SYDE2: variants seen among roughly 807,000 people sequenced by gnomAD.
SYDE2 encodes the protein synapse defective Rho GTPase homolog 2, also known as rho GTPase-activating protein SYDE2.
SYDE2 carries 76 observed loss-of-function variants against 91.5 expected under a neutral mutation model. The observed-to-expected ratio is 0.83, with a 90% CI of 0.69 to 1.01. SYDE2 has a LOEUF of 1.01. SYDE2 is among the 50% of genes least tolerant of loss of function. The pLI is 0.00. For missense variants in SYDE2, 1,364 were observed against 1,367.7 expected (o/e 1.00, Z 0.04); for synonymous variants, 513 against 506.4 (o/e 1.01, Z -0.18).
In SYDE2 at chr1:85,170,397, T is replaced by C. The variant is rs890777047; in HGVS notation, c.2672-1172A>G. On this transcript the variant is annotated intron_variant, in intron 4 of 6. Transcript: ENST00000341460. ...ATGAGACACTGTGCCTGGCCCCAAG[T>C]TTTAAATATTTAATAGTAACATGAT... Among the ~76,000 whole-genome samples the C allele has an allele frequency of 2.6e-5, 4 of 152,254 alleles. No individual in the cohort carries two copies. In the East Asian group the frequency reaches 7.7e-4, roughly 29 times the overall value.
intron 1 of SYDE2, chr1:85,194,935 C>T (rs953518735): frequency 7.6e-5 from 40 of 523,378 alleles, no homozygotes; most frequent in Middle Eastern, 9.5e-4. Context: ...CCAAGGCGGG[C>T]GGATCACGAG....
Position 85,182,450 on chromosome 1 carries a change from G to A in SYDE2, c.2192C>T (p.Thr731Ile). 6.2e-7 allele frequency: 1 copy of A among 1,613,588 alleles called. No individual in the cohort carries two copies. Among genetic ancestry groups the A allele is most frequent in the Non-Finnish European group, 8.5e-7 (1 of 1,179,716 alleles). ...TGCATTTTCAATTTCTATGTTGAAA[G>A]TGTGATCCATGTCTAAAAATGTTGT... ...CRTTFLDMDHTFNIEIENAQH... is the reference protein window; with the variant it reads ...CRTTFLDMDHIFNIEIENAQH... Residue 731 changes from threonine to isoleucine, a missense_variant, in exon 3 of 7, where the codon ACT (threonine) becomes ATT (isoleucine). Thr to Ile is a moderately conservative substitution (Grantham distance 89). Transcript: ENST00000341460.
intron 3 of SYDE2, among the ~76,000 whole-genome samples, 156 bp from the exon 4 acceptor site, chr1:85,178,428 T>A (rs918585665): frequency 6.6e-6 from 1 of 152,242 alleles, no homozygotes; most frequent in African/African-American, 2.4e-5. Context: ...ATATACTATG[T>A]TGATTAGTTT....
At position 85,158,882 on chromosome 1, in the gene SYDE2, A is replaced by T. The variant is rs1656960407; in HGVS notation, c.3453T>A (p.Tyr1151Ter). 4 of 780,506 alleles carry T rather than the reference A, an allele frequency of 5.1e-6. No homozygotes were observed. The highest frequency in any genetic ancestry group is 9.6e-6 in the Non-Finnish European group (4 of 417,896). 48.3% of individuals were successfully genotyped at this position (780,506 alleles called of 1,614,324 possible). ...PMSKECTFQT[Y>*]LTMQTVESTV... ...TAGACTCAACTGTCTGCATTGTCAA[A>T]TATGTCTGAAATGTACACTCTTTGG... Residue 1151 changes from tyrosine to a stop codon, truncating the protein, a stop_gained, in exon 7 of 7, where the codon TAT becomes TAA. Coordinates refer to ENST00000341460, the MANE Select transcript of SYDE2 (RefSeq NM_032184.2). LOFTEE classifies it high-confidence loss of function.
intron 3 of SYDE2, among the ~76,000 whole-genome samples, chr1:85,178,733 T>C (rs1472958943): frequency 1.3e-5 from 2 of 152,132 alleles, no homozygotes; most frequent in Non-Finnish European, 2.9e-5. Context: ...TTAAAATAAG[T>C]ATATAGTTGA....
At chr1:85,166,938 TG>T (rs1332729148) in intron 5 of SYDE2, among the ~76,000 whole-genome samples, 1 of 151,830 alleles carries the variant, frequency 6.6e-6, no homozygotes, top group African/African-American at 2.4e-5. Context: ...TGGCTGGGCG[TG>T]GTGGTTCATG....
At chr1:85,164,387 G>T in intron 6 of SYDE2, 139 bp downstream of exon 6, 1 of 542,008 alleles carries the variant, frequency 1.8e-6, no homozygotes. Context: ...AAAATCTAAA[G>T]GGCAGGTATC....
chr1:85,160,597 T>G (rs192772744), intron 6 of SYDE2: 1 of 985,394 alleles, frequency 1.0e-6, no homozygotes, highest in East Asian at 1.1e-4. Context: ...TTTTCCACTG[T>G]GTAATTATTC....
chr1:85,186,752 C>T (rs560631805), intron 2 of SYDE2, among the ~76,000 whole-genome samples: 1 of 151,822 alleles, frequency 6.6e-6, no homozygotes, highest in Non-Finnish European at 1.5e-5. Context: ...CTGAGAAAAA[C>T]AAGCAATGGG....
Position 85,200,867 on chromosome 1 carries a change from G to C in SYDE2, c.130C>G (p.Pro44Ala), listed in dbSNP as rs1658806393. 7.4e-7 allele frequency: 1 copy of C among 1,359,442 alleles called. No individual in the cohort carries two copies. Among genetic ancestry groups the C allele is most frequent in the Non-Finnish European group, 9.4e-7 (1 of 1,066,548 alleles). The allele number at this position is 1,359,442 out of a possible 1,614,324, so 84.2% of individuals were successfully genotyped here. Reference sequence around the variant, plus strand: ...CCGCCTCCCCGCTCCCCGTCCCGGGGGCAGGCTCGGCGGTACGCGGCGCCG... The same window carrying C: ...CCGCCTCCCCGCTCCCCGTCCCGGGCGCAGGCTCGGCGGTACGCGGCGCCG... ...SRGAAYRRACPRDGERGGGGR... is the reference protein window; with the variant it reads ...SRGAAYRRACARDGERGGGGR... Residue 44 changes from proline (P) to alanine (A), a missense_variant, in exon 1 of 7, where the codon CCC becomes GCC. Transcript: ENST00000341460.
chr1:85,175,924 G>A (rs1025969063), intron 4 of SYDE2, among the ~76,000 whole-genome samples: 7 of 152,098 alleles, frequency 4.6e-5, no homozygotes, highest in African/African-American at 1.2e-4. Context: ...ACAAAGAATT[G>A]AGCCAAGAAA....
At chr1:85,171,284 G>C (rs1657498541) in intron 4 of SYDE2, among the ~76,000 whole-genome samples, 1 of 152,070 alleles carries the variant, frequency 6.6e-6, no homozygotes, top group East Asian at 1.9e-4. Context: ...TTAAGAGAAG[G>C]CTCAGAAAAT....
At chr1:85,156,809 G>T (rs979950383), downstream of SYDE2, 4 of 151,978 alleles carry the variant, frequency 2.6e-5, no homozygotes, top group African/African-American at 9.7e-5. Context: ...TAACACCTTT[G>T]CTTAAAAAGA....
At chr1:85,178,944 C>T (rs1457322626) in intron 3 of SYDE2, among the ~76,000 whole-genome samples, 1 of 151,898 alleles carries the variant, frequency 6.6e-6, no homozygotes, top group Non-Finnish European at 1.5e-5. Flanking sequence ...CACTACCCAT[C>T]CCACCAACCT....
chr1:85,195,161 A>T (rs1220886877), intron 1 of SYDE2, among the ~76,000 whole-genome samples: 1 of 149,926 alleles, frequency 6.7e-6, no homozygotes, highest in African/African-American at 2.4e-5. Context: ...CTCCATCTAA[A>T]AAAAAAAAAA....
intron 2 of SYDE2, among the ~76,000 whole-genome samples, chr1:85,185,382 T>C (rs1312607456): frequency 6.6e-6 from 1 of 151,804 alleles, no homozygotes; most frequent in East Asian, 1.9e-4. Context: ...GGTTCACAAT[T>C]TGCCACAAAC....
intron 5 of SYDE2, among the ~76,000 whole-genome samples, chr1:85,166,363 T>C (rs1294595091): frequency 1.3e-5 from 2 of 151,926 alleles, no homozygotes; most frequent in Admixed American, 1.3e-4. Flanking sequence ...TTTTTTTTTT[T>C]TTGTAGAGAC....
intron 5 of SYDE2, among the ~76,000 whole-genome samples, chr1:85,165,597 A>AATAAAT (rs1553170396): frequency 5.3e-5 from 8 of 150,804 alleles, no homozygotes; most frequent in Non-Finnish European, 8.9e-5. Context: ...TAAATAAATA[A>AATAAAT]ATATATATAT....
chr1:85,164,530 C>A lies in SYDE2; in HGVS notation c.3081G>T (p.Trp1027Cys), dbSNP rs546765148. ...CATTTCCATAGAATCATTTACCTGG[C>A]CAGAGTTGGAGTAAGTAATGAAGAA... ...IEVLHYLLQL[W>C]PVQRLTVKKS... is the part of the protein sequence containing the mutation. The change falls in exon 6 of 7, where the codon TGG (tryptophan) becomes TGT (cysteine). Residue 1027 changes from tryptophan (W) to cysteine (C), a missense_variant. Coordinates refer to ENST00000341460, the MANE Select transcript of SYDE2 (RefSeq NM_032184.2). 1.9e-6 allele frequency: 3 copies of A among 1,578,716 alleles called. No individual in the cohort carries two copies. Among genetic ancestry groups the A allele is most frequent in the East Asian group, 2.3e-5 (1 of 43,928 alleles).
Sources: gnomAD v4.1 joint callset for allele counts (sites outside exome capture counted in the v4.1 genomes callset) on GRCh38, gnomAD v4.1.1 for gene constraint, MANE v1.5 for transcripts, NCBI Gene and HGNC (gene_info 2026-07-23, HGNC 2026-07-21) for gene names.